The following MAML2 variants were observed in gnomAD, a reference collection of about 807,000 sequenced individuals.
MAML2 encodes mastermind-like protein 2.
MAML2 carries 22 observed loss-of-function variants against 96.1 expected under a neutral mutation model. The ratio of observed to expected loss-of-function variants is 0.23; its 90% confidence interval spans 0.16 to 0.33. The LOEUF (loss-of-function observed/expected upper bound fraction) is 0.33, where lower values mean the gene tolerates loss of function less well. Ranked by LOEUF, MAML2 falls within the 10% of genes least tolerant of loss-of-function variation. MAML2 has a pLI of 1.00. For synonymous variants in MAML2, 561 were observed against 521.3 expected (o/e 1.08, Z -1.04); for missense variants, 1,367 against 1,392.4 (o/e 0.98, Z 0.29).
intron 2 of MAML2, among the ~76,000 whole-genome samples, chr11:96,003,067 G>A (rs1858120404): frequency 6.6e-6 from 1 of 150,642 alleles, no homozygotes; most frequent in East Asian, 2.0e-4. Context: ...ACATGATGAT[G>A]GGGATGATGA....
At chr11:96,022,027 T>C (rs1217064355) in intron 2 of MAML2, among the ~76,000 whole-genome samples, 3 of 152,140 alleles carry the variant, frequency 2.0e-5, no homozygotes, top group Non-Finnish European at 4.4e-5. Flanking sequence ...TGTCCATGAC[T>C]AAGCTGGGGT....
chr11:96,271,495 C>A (rs563049349), intron 1 of MAML2, among the ~76,000 whole-genome samples: 1 of 152,250 alleles, frequency 6.6e-6, no homozygotes, highest in Non-Finnish European at 1.5e-5. Flanking sequence ...ATAGGAGGGA[C>A]CCAGTGGGAA....
At chr11:96,079,849 G>A (rs1194316809) in intron 2 of MAML2, among the ~76,000 whole-genome samples, 2 of 152,238 alleles carry the variant, frequency 1.3e-5, no homozygotes, top group Non-Finnish European at 2.9e-5. Context: ...GTGGCAGGAA[G>A]TCGTAGGACG....
chr11:96,321,950 T>C (rs1309878211), intron 1 of MAML2, among the ~76,000 whole-genome samples: 1 of 152,168 alleles, frequency 6.6e-6, no homozygotes. Context: ...AGGCCGAGTT[T>C]TTTGTTGTTG....
chr11:96,076,597 G>A (rs76879447), intron 2 of MAML2, among the ~76,000 whole-genome samples: 2,485 of 152,172 alleles, frequency 0.016, 77 homozygotes, highest in African/African-American at 0.057. Context: ...GGAAGTCAGG[G>A]CTGCCCTCAC....
At chr11:96,255,875 T>C (rs1374600639) in intron 1 of MAML2, among the ~76,000 whole-genome samples, 1 of 147,216 alleles carries the variant, frequency 6.8e-6, no homozygotes, top group East Asian at 2.0e-4. Flanking sequence ...CTTTTTTTTT[T>C]TTTTTTTTTT....
intron 1 of MAML2, among the ~76,000 whole-genome samples, chr11:96,212,133 G>GTC (rs1450589157): frequency 1.3e-5 from 2 of 149,882 alleles, no homozygotes; most frequent in African/African-American, 4.9e-5. Flanking sequence ...GTGTGTGTGT[G>GTC]TGTGTGTGTG....
intron 1 of MAML2, among the ~76,000 whole-genome samples, chr11:96,262,763 C>T (rs1432617224): frequency 6.6e-6 from 1 of 152,214 alleles, no homozygotes; most frequent in African/African-American, 2.4e-5. Context: ...TTTTTTAAAT[C>T]CTTGTTTTAA....
chr11:96,121,079 A>G (rs1860331880), intron 1 of MAML2, among the ~76,000 whole-genome samples: 1 of 58 alleles, frequency 0.017, no homozygotes, highest in Non-Finnish European at 0.05. Context: ...AGGCAGCCAG[A>G]GTCAGGGGGG....
chr11:96,092,295 T>C lies in MAML2; in HGVS notation c.1736A>G (p.Asn579Ser). ...GGTGTAGTGTAGGAGAGAAGGCTTG[T>C]TCTGGGAAGGCAAAACAGAAGGCAT... ...QQMPSVLPSQ[N>S]KPSLLHYTQQ... Residue 579 changes from asparagine to serine, a missense_variant, in exon 2 of 5, where the codon AAC becomes AGC. Coordinates refer to ENST00000524717, the MANE Select transcript of MAML2 (RefSeq NM_032427.4). This position sits in a 1 kb window ranked among gnomAD's most constrained non-coding sequence, Gnocchi z 4.1. 6.4e-7 allele frequency: 1 copy of C among 1,570,328 alleles called. No homozygotes were observed. The highest frequency in any genetic ancestry group is 8.6e-7 in the Non-Finnish European group (1 of 1,157,174).
At chr11:96,196,503 C>A (rs1444649932) in intron 1 of MAML2, among the ~76,000 whole-genome samples, 3 of 152,158 alleles carry the variant, frequency 2.0e-5, no homozygotes, top group African/African-American at 7.2e-5. Context: ...AGGGATTGAC[C>A]ATTGAAGTCA....
intron 1 of MAML2, among the ~76,000 whole-genome samples, 189 bp downstream of exon 1, chr11:96,341,194 G>A (rs559550056): frequency 6.6e-5 from 10 of 152,314 alleles, no homozygotes; most frequent in African/African-American, 2.4e-4. Flanking sequence ...AAACCCAGGA[G>A]TGAGCACCAA....
intron 2 of MAML2, among the ~76,000 whole-genome samples, chr11:96,046,978 C>A (rs1403253174): frequency 6.6e-6 from 1 of 152,172 alleles, no homozygotes; most frequent in African/African-American, 2.4e-5. Flanking sequence ...AAGAGCTTAG[C>A]CCAAGACTAG....
At chr11:95,989,255 A>G (rs1857873983) in intron 3 of MAML2, among the ~76,000 whole-genome samples, 1 of 152,190 alleles carries the variant, frequency 6.6e-6, no homozygotes, top group South Asian at 2.1e-4. Context: ...ATCAAAGACC[A>G]CTTCTTCCTG....
chr11:96,075,971 C>A (rs556444787), intron 2 of MAML2, among the ~76,000 whole-genome samples: 1 of 152,182 alleles, frequency 6.6e-6, no homozygotes, highest in African/African-American at 2.4e-5. Flanking sequence ...CTGAAGTGAA[C>A]CTTGGGTGGC....
Position 96,093,019 on chromosome 11 carries a change from C to T in MAML2, c.1012G>A (p.Asp338Asn). Residue 338 changes from aspartate to asparagine, a missense_variant, in exon 2 of 5, where the codon GAC becomes AAC. Coordinates refer to ENST00000524717, the MANE Select transcript of MAML2 (RefSeq NM_032427.4). Reference protein sequence around the residue: ...NMINATIKQDDPFNIDLGQQS... With the variant: ...NMINATIKQDNPFNIDLGQQS... ...TGACCCAAGTCAATGTTAAATGGGT[C>T]ATCCTGCTTTATGGTGGCATTGATC... is the stretch of plus-strand genomic sequence containing the variant. 1 of 1,613,972 alleles carries T rather than the reference C, an allele frequency of 6.2e-7. No individual in the cohort carries two copies. The highest frequency in any genetic ancestry group is 2.2e-5 in the East Asian group (1 of 44,882).
chr11:96,236,238 T>C (rs1862365473), intron 1 of MAML2, among the ~76,000 whole-genome samples: 2 of 152,336 alleles, frequency 1.3e-5, no homozygotes, highest in African/African-American at 2.4e-5. Flanking sequence ...AATGATAGTA[T>C]AGCAAGAATT....
intron 1 of MAML2, among the ~76,000 whole-genome samples, chr11:96,102,776 A>T (rs1859956452): frequency 1.3e-5 from 2 of 152,226 alleles, no homozygotes; most frequent in Admixed American, 1.3e-4. Flanking sequence ...CTGAGGGGAC[A>T]TTCAGAGATG....
chr11:96,141,431 G>A (rs181309791), intron 1 of MAML2, among the ~76,000 whole-genome samples: 3 of 152,114 alleles, frequency 2.0e-5, no homozygotes, highest in South Asian at 2.1e-4. Flanking sequence ...TTTATACTAC[G>A]TAAGAGGCCC....
Sources: gnomAD v4.1 joint callset for allele counts (sites outside exome capture counted in the v4.1 genomes callset) on GRCh38, gnomAD v4.1.1 for gene constraint, Gnocchi (gnomAD v3.1) non-coding constraint, MANE v1.5 for transcripts, NCBI Gene and HGNC (gene_info 2026-07-23, HGNC 2026-07-21) for gene names.